The following FSHR variants were observed in gnomAD, a reference collection of about 807,000 sequenced individuals.
FSHR encodes follicle stimulating hormone receptor, also known as follicle-stimulating hormone receptor.
Under a neutral mutation model 52.1 loss-of-function variants are expected in FSHR, and 46 were observed. The observed-to-expected ratio is 0.88, with a 90% CI of 0.70 to 1.13. The LOEUF (loss-of-function observed/expected upper bound fraction) is 1.13, where lower values mean the gene tolerates loss of function less well. Among genes scored for constraint, FSHR ranks in the 50% most tolerant of loss-of-function variants. The pLI is 0.00. For missense variants in FSHR, 964 were observed against 834.6 expected (o/e 1.16, Z -1.91); for synonymous variants, 399 against 309.6 (o/e 1.29, Z -3.03).
At chr2:49,030,391 G>T (rs140896000) in intron 2 of FSHR, among the ~76,000 whole-genome samples, 1 of 151,758 alleles carries the variant, frequency 6.6e-6, no homozygotes, top group Admixed American at 6.6e-5. Context: ...CTCTGGGTTC[G>T]ATTGTGCCTT....
intron 4 of FSHR, among the ~76,000 whole-genome samples, chr2:48,995,501 A>T (rs1469854940): frequency 3.3e-5 from 5 of 152,170 alleles, no homozygotes; most frequent in Non-Finnish European, 5.9e-5. Context: ...AAGCAGACAA[A>T]AATGAAATTA....
At chr2:48,995,097 T>C (rs1675962479) in intron 4 of FSHR, among the ~76,000 whole-genome samples, 1 of 152,132 alleles carries the variant, frequency 6.6e-6, no homozygotes, top group South Asian at 2.1e-4. Context: ...GCTTCAGTAG[T>C]GTTGATGGGC....
intron 2 of FSHR, among the ~76,000 whole-genome samples, chr2:49,038,725 G>T (rs1373340513): frequency 2.0e-5 from 3 of 150,810 alleles, no homozygotes; most frequent in Non-Finnish European, 4.4e-5. Context: ...GAACAAAAAC[G>T]ATGTAGAAAA....
chr2:48,998,507 C>T (rs1052896059), intron 4 of FSHR, among the ~76,000 whole-genome samples: 1 of 151,964 alleles, frequency 6.6e-6, no homozygotes, highest in Non-Finnish European at 1.5e-5. Context: ...CAGGTAGTTT[C>T]CAGGTACTAG....
chr2:49,063,564 A>G (rs1478993819), intron 2 of FSHR, among the ~76,000 whole-genome samples: 1 of 152,166 alleles, frequency 6.6e-6, no homozygotes, highest in East Asian at 1.9e-4. Flanking sequence ...GAAATAAGTT[A>G]GGCACAGAAA....
At chr2:49,020,991 G>C (rs916657476) in intron 2 of FSHR, among the ~76,000 whole-genome samples, 3 of 152,012 alleles carry the variant, frequency 2.0e-5, no homozygotes, top group African/African-American at 7.3e-5. Context: ...ATGCATGCTG[G>C]GCTTAATACC....
rs375807943 is a variant in FSHR at position 48,976,497 on chromosome 2, A to C, written c.668+6415T>G. Reference sequence around the variant, plus strand: ...TGGTATCAGGATGATGCTGCCTCACAAAATGAGTTAGAGAGGAGTCCCTCT... The same window carrying C: ...TGGTATCAGGATGATGCTGCCTCACCAAATGAGTTAGAGAGGAGTCCCTCT... On this transcript the variant is annotated intron_variant, in intron 8 of 9. Coordinates refer to ENST00000406846, the MANE Select transcript of FSHR (RefSeq NM_000145.4). Among the ~76,000 whole-genome samples, 30 of 152,334 alleles carry C rather than the reference A, an allele frequency of 2.0e-4. No individual in the cohort carries two copies. The South Asian group carries it at 4.6e-3, about 23-fold the overall frequency.
At chr2:49,010,583 G>A (rs1667232258) in intron 4 of FSHR, among the ~76,000 whole-genome samples, 1 of 151,290 alleles carries the variant, frequency 6.6e-6, no homozygotes, top group East Asian at 2.0e-4. Context: ...CTATTGATTG[G>A]AATAGTTTCA....
chr2:48,989,306 G>C (rs1164928132), intron 5 of FSHR, among the ~76,000 whole-genome samples: 1 of 131,466 alleles, frequency 7.6e-6, no homozygotes, highest in Non-Finnish European at 1.5e-5. Context: ...TTTAAGACAG[G>C]TTCTCTTGCT....
At chr2:49,048,012 G>C (rs993111620) in intron 2 of FSHR, among the ~76,000 whole-genome samples, 1 of 152,038 alleles carries the variant, frequency 6.6e-6, no homozygotes, top group African/African-American at 2.4e-5. Context: ...CCAAGTAATT[G>C]GGTTTACAGG....
At chr2:49,016,679 T>TA (rs1005829266) in intron 4 of FSHR, among the ~76,000 whole-genome samples, 16 of 152,084 alleles carry the variant, frequency 1.1e-4, no homozygotes, top group Non-Finnish European at 4.4e-5. Flanking sequence ...CACAGAGAGG[T>TA]AAAAAATGAC....
At chr2:49,147,670 A>T (rs1217975178) in intron 1 of FSHR, among the ~76,000 whole-genome samples, 9 of 152,000 alleles carry the variant, frequency 5.9e-5, no homozygotes, top group Non-Finnish European at 1.5e-5. Context: ...TTTCCCTGCA[A>T]TGTAATTTCC....
rs1051961408 is a variant in FSHR, at chr2:49,087,054, G to A, written c.153-18764C>T. On this transcript the variant is annotated intron_variant, in intron 1 of 9. Coordinates refer to ENST00000406846, the MANE Select transcript of FSHR (RefSeq NM_000145.4). ...CAAGTTGCTCTGCTCAGTAGTTGAG[G>A]GACCCTGTGGGCAGGGTTTTTTTTT... 6.2e-5 allele frequency among the ~76,000 whole-genome samples: 9 copies of A among 144,974 alleles called. No individual in the cohort carries two copies. The South Asian group carries it at 2.0e-3, about 32-fold the overall frequency.
rs1456836244 is a variant in FSHR at position 48,962,535 on chromosome 2, A to G, written c.*198T>C. The stretch of plus-strand genomic sequence containing the variant: ...TAATACAGTATTGCATTCTTTAATT[A>G]TTATTGTTGTTACTAATAATTCAGC... On this transcript the variant is annotated 3_prime_UTR_variant, in exon 10 of 10. Coordinates refer to ENST00000406846, the MANE Select transcript of FSHR (RefSeq NM_000145.4). The G allele has an allele frequency of 1.2e-5, 7 of 602,600 alleles. No individual in the cohort carries two copies. Among genetic ancestry groups the G allele is most frequent in the African/African-American group, 1.1e-4 (6 of 53,906 alleles). 37.3% of individuals were successfully genotyped at this position (602,600 alleles called of 1,614,324 possible).
chr2:49,098,557 G>A (rs1670910119), intron 1 of FSHR, among the ~76,000 whole-genome samples: 1 of 151,798 alleles, frequency 6.6e-6, no homozygotes, highest in African/African-American at 2.4e-5. Flanking sequence ...TTCAGTGAAA[G>A]ATAGGTACCA....
intron 1 of FSHR, among the ~76,000 whole-genome samples, chr2:49,071,765 T>C (rs1669741442): frequency 6.6e-6 from 1 of 152,076 alleles, no homozygotes; most frequent in Admixed American, 6.6e-5. Flanking sequence ...CTCATGGCAG[T>C]AGGGGAAGGA....
intron 1 of FSHR, among the ~76,000 whole-genome samples, chr2:49,133,934 G>C (rs1431205039): frequency 6.6e-6 from 1 of 152,060 alleles, no homozygotes; most frequent in African/African-American, 2.4e-5. Flanking sequence ...TGGATTAAAG[G>C]CTTAAATGTT....
At chr2:49,026,895 G>A (rs1431277820) in intron 2 of FSHR, among the ~76,000 whole-genome samples, 1 of 152,094 alleles carries the variant, frequency 6.6e-6, no homozygotes, top group Non-Finnish European at 1.5e-5. Context: ...CCTCTCTGCT[G>A]ATGAATCTGC....
intron 2 of FSHR, among the ~76,000 whole-genome samples, chr2:49,030,188 A>G (rs1668050191): frequency 6.6e-6 from 1 of 151,818 alleles, no homozygotes; most frequent in African/African-American, 2.4e-5. Flanking sequence ...AGAGGGCTCC[A>G]TTGATACCCC....
Sources: allele counts gnomAD v4.1 joint callset (sites outside exome capture counted in the v4.1 genomes callset), GRCh38; gene constraint gnomAD v4.1.1; transcripts MANE v1.5; gene names NCBI Gene and HGNC (gene_info 2026-07-23, HGNC 2026-07-21).